ARB2A: variants seen among roughly 807,000 people sequenced by gnomAD.
ARB2A encodes ARB2 cotranscriptional regulator A.
the ARB2A span, among the ~76,000 whole-genome samples, chr5:93,920,423 A>G: frequency 9.2e-5 from 14 of 152,248 alleles, no homozygotes; most frequent in South Asian, 2.9e-3. Context: ...ATGGGTTTGA[A>G]CTGTGTGGGT....
the ARB2A span, among the ~76,000 whole-genome samples, chr5:93,792,319 T>C: frequency 6.6e-6 from 1 of 152,044 alleles, no homozygotes; most frequent in African/African-American, 2.4e-5. Flanking sequence ...CTAAACATTG[T>C]CAAACCAAAA....
the ARB2A span, among the ~76,000 whole-genome samples, chr5:93,955,375 T>C: frequency 3.3e-5 from 5 of 152,222 alleles, no homozygotes; most frequent in Non-Finnish European, 4.4e-5. Context: ...CAGTCCACCA[T>C]GTTATGGAAG....
At chr5:93,977,203 T>G in the ARB2A span, among the ~76,000 whole-genome samples, 4 of 152,066 alleles carry the variant, frequency 2.6e-5, no homozygotes, top group African/African-American at 9.7e-5. Context: ...TCAATGATAT[T>G]CCTATCAAAT....
chr5:93,774,054 G>A, the ARB2A span, among the ~76,000 whole-genome samples: 4 of 152,172 alleles, frequency 2.6e-5, no homozygotes, highest in African/African-American at 4.8e-5. Context: ...GGAATTACAG[G>A]TATGAGCCAC....
chr5:94,005,696 C>A, the ARB2A span, among the ~76,000 whole-genome samples: 1 of 152,054 alleles, frequency 6.6e-6, no homozygotes, highest in Non-Finnish European at 1.5e-5. Flanking sequence ...AGTAAAAACC[C>A]AAACAATTCC....
chr5:94,010,691 C>G, the ARB2A span, among the ~76,000 whole-genome samples: 2 of 152,064 alleles, frequency 1.3e-5, no homozygotes, highest in Admixed American at 1.3e-4. Flanking sequence ...ACCTCAATCT[C>G]ACTTTCTTTG....
At chr5:93,824,119 G>T in the ARB2A span, 2 of 1,536,944 alleles carry the variant, frequency 1.3e-6, no homozygotes, top group Non-Finnish European at 1.8e-6. Context: ...AAGGAGACTG[G>T]AACTACAGAG....
chr5:93,944,228 T>C, the ARB2A span, among the ~76,000 whole-genome samples: 4 of 152,074 alleles, frequency 2.6e-5, no homozygotes, highest in East Asian at 1.9e-4. Context: ...GTTAAAAAAA[T>C]ATTTAATTAA....
At chr5:93,932,713 G>T in the ARB2A span, among the ~76,000 whole-genome samples, 1 of 152,154 alleles carries the variant, frequency 6.6e-6, no homozygotes, top group Non-Finnish European at 1.5e-5. Flanking sequence ...TACTGGTCTA[G>T]AGTTTGTTTA....
At chr5:93,979,227 A>C in the ARB2A span, among the ~76,000 whole-genome samples, 4 of 152,112 alleles carry the variant, frequency 2.6e-5, no homozygotes, top group African/African-American at 9.7e-5. Flanking sequence ...AATTGGTAGG[A>C]GATTTCAGCT....
At chr5:93,740,442 A>G in the ARB2A span, 1 of 938,138 alleles carries the variant, frequency 1.1e-6, no homozygotes, top group East Asian at 2.6e-5. Context: ...ATTCCCTACT[A>G]TGTATCCTTA....
chr5:93,834,661 T>C, the ARB2A span, among the ~76,000 whole-genome samples: 1 of 152,174 alleles, frequency 6.6e-6, no homozygotes, highest in African/African-American at 2.4e-5. Flanking sequence ...TTTAAATATA[T>C]ATGTATATGT....
chr5:94,085,217 A>G, the ARB2A span, among the ~76,000 whole-genome samples: 1 of 152,242 alleles, frequency 6.6e-6, no homozygotes, highest in Non-Finnish European at 1.5e-5. Context: ...TTCCATCATC[A>G]AAACAGTCAG....
chr5:93,702,372 G>A, the ARB2A span, among the ~76,000 whole-genome samples: 1 of 151,980 alleles, frequency 6.6e-6, no homozygotes, highest in East Asian at 1.9e-4. Context: ...ATACCACTGG[G>A]CCCCATCAGG....
chr5:94,005,789 C>T, the ARB2A span, among the ~76,000 whole-genome samples: 4 of 152,030 alleles, frequency 2.6e-5, no homozygotes, highest in African/African-American at 9.7e-5. Context: ...AAGATGTCTC[C>T]ATCATTAGCC....
At chr5:94,005,460 G>A in the ARB2A span, among the ~76,000 whole-genome samples, 2 of 151,982 alleles carry the variant, frequency 1.3e-5, no homozygotes, top group East Asian at 1.9e-4. Context: ...CAGCCACCTC[G>A]GCCTCCCAAA....
the ARB2A span, among the ~76,000 whole-genome samples, chr5:94,046,387 T>G: frequency 6.6e-6 from 1 of 152,054 alleles, no homozygotes; most frequent in Non-Finnish European, 1.5e-5. Context: ...TGACAGTAGA[T>G]TTGCAGACCA....
the ARB2A span, among the ~76,000 whole-genome samples, chr5:93,827,875 T>C: frequency 6.6e-6 from 1 of 152,152 alleles, no homozygotes; most frequent in Non-Finnish European, 1.5e-5. Flanking sequence ...ATTGCTTGTT[T>C]TTCTCAGGTT....
At chr5:93,939,858 C>T in the ARB2A span, among the ~76,000 whole-genome samples, 2 of 152,008 alleles carry the variant, frequency 1.3e-5, no homozygotes, top group Non-Finnish European at 2.9e-5. Context: ...TAATAGTCTG[C>T]TATGTTATAC....
Sources: gnomAD v4.1 joint callset for allele counts (sites outside exome capture counted in the v4.1 genomes callset) on GRCh38, gnomAD v4.1.1 for gene constraint, MANE v1.5 for transcripts, NCBI Gene and HGNC (gene_info 2026-07-23, HGNC 2026-07-21) for gene names.